EPHA4: variants seen among roughly 807,000 people sequenced by gnomAD.
EPHA4 encodes ephrin type-A receptor 4.
EPHA4 carries 19 observed loss-of-function variants against 108.3 expected under a neutral mutation model. That is an observed-to-expected ratio of 0.18 (90% CI 0.12 to 0.26). EPHA4 has a LOEUF of 0.26. EPHA4 is among the 10% of genes least tolerant of loss of function. The pLI, the probability that EPHA4 is intolerant of heterozygous loss-of-function variation, is 1.00. For synonymous variants in EPHA4, 449 were observed against 455.5 expected, an observed-to-expected ratio of 0.99 and a Z score of 0.18; for missense variants, 917 against 1,254.0, an observed-to-expected ratio of 0.73 and a Z score of 4.06.
rs1694846378 is a variant in EPHA4 at position 221,571,816 on chromosome 2, G to T, written c.91+342C>A. On this transcript the variant is annotated intron_variant, in intron 1 of 17. Transcript: ENST00000281821. This position sits in a 1 kb window ranked among gnomAD's most constrained non-coding sequence, Gnocchi z 6.3. ...GCCCCGGGCTGGCTCAGGAGAGGACGTGGTTCTTGTAATTTTTTTTTTAAA... is the reference window on the plus strand; with the variant it reads ...GCCCCGGGCTGGCTCAGGAGAGGACTTGGTTCTTGTAATTTTTTTTTTAAA... 6.6e-6 allele frequency among the ~76,000 whole-genome samples: 1 copy of T among 152,194 alleles called. No individual in the cohort carries two copies. The highest frequency in any genetic ancestry group is 1.5e-5 in the Non-Finnish European group (1 of 68,022).
In EPHA4 at chr2:221,419,032, T is replaced by C. The variant is rs1689669182; in HGVS notation, c.*2340A>G. On this transcript the variant is annotated 3_prime_UTR_variant, in exon 18 of 18. Transcript: ENST00000281821. ...ATGATTTTCTCTACTTATTCAACAA[T>C]AAATGGTTCAGAATCTATTTTTTTT... is the stretch of plus-strand genomic sequence containing the variant. The C allele has an allele frequency of 6.6e-6, 1 of 152,446 alleles. No individual in the cohort carries two copies. Among genetic ancestry groups the C allele is most frequent in the Admixed American group, 6.5e-5 (1 of 15,280 alleles). The allele number at this position is 152,446 out of a possible 1,614,324, so 9.4% of individuals were successfully genotyped here.
intron 5 of EPHA4, among the ~76,000 whole-genome samples, chr2:221,458,452 A>G (rs7603370): frequency 2.0e-5 from 3 of 152,178 alleles, no homozygotes; most frequent in Non-Finnish European, 4.4e-5. Flanking sequence ...AGTCTTCAAT[A>G]AGTACTGTAG....
chr2:221,434,381 G>A, intron 13 of EPHA4, 90 bp from the exon 14 acceptor site: 1 of 1,372,290 alleles, frequency 7.3e-7, no homozygotes, highest in Non-Finnish European at 1.0e-6. Context: ...AGCCAAGCAG[G>A]ACAACAGCAT....
At chr2:221,432,985 C>T (rs905514484) in intron 14 of EPHA4, among the ~76,000 whole-genome samples, 3 of 151,898 alleles carry the variant, frequency 2.0e-5, no homozygotes, top group South Asian at 4.2e-4. Flanking sequence ...CCACTATGCC[C>T]GGCTAATTTT....
chr2:221,545,034 G>A (rs750586783), intron 3 of EPHA4, among the ~76,000 whole-genome samples: 3 of 152,188 alleles, frequency 2.0e-5, no homozygotes, highest in Non-Finnish European at 4.4e-5. Flanking sequence ...CCAGTCTGTA[G>A]TATTGTATTT....
intron 3 of EPHA4, among the ~76,000 whole-genome samples, chr2:221,552,415 ATCAAGCTG>A (rs1161933986): frequency 4.6e-5 from 7 of 152,176 alleles, no homozygotes; most frequent in African/African-American, 1.7e-4. Flanking sequence ...TGGGCACTAG[ATCAAGCTG>A]TCAATGTTCC....
intron 3 of EPHA4, among the ~76,000 whole-genome samples, chr2:221,556,485 T>A (rs1242669605): frequency 2.0e-5 from 3 of 151,338 alleles, no homozygotes; most frequent in African/African-American, 7.3e-5. Flanking sequence ...TTTTTTTTTT[T>A]TTTTTTAGTA....
chr2:221,436,406 G>A lies in EPHA4; in HGVS notation c.2339C>T (p.Thr780Ile). ...VLEDDPEAAYTTRGGKIPIRW... is the reference protein window; with the variant it reads ...VLEDDPEAAYITRGGKIPIRW... ...GTCACCGATCTTTCTTACCCTGGTG[G>A]TGTAAGCTGCTTCCGGATCATCCTC... The change falls in exon 13 of 18, where the codon ACC (threonine) becomes ATC (isoleucine). Residue 780 changes from threonine (T) to isoleucine (I), a missense_variant. Transcript: ENST00000281821. 6.2e-7 allele frequency: 1 copy of A among 1,614,162 alleles called. No individual in the cohort carries two copies. The highest frequency in any genetic ancestry group is 8.5e-7 in the Non-Finnish European group (1 of 1,179,998).
intron 5 of EPHA4, among the ~76,000 whole-genome samples, chr2:221,473,069 C>T (rs1427934036): frequency 2.0e-5 from 3 of 152,130 alleles, no homozygotes; most frequent in Non-Finnish European, 4.4e-5. Context: ...AATGAGGAAG[C>T]CAAGGGGTTC....
chr2:221,515,791 G>C (rs1040868580), intron 3 of EPHA4, among the ~76,000 whole-genome samples: 1 of 152,144 alleles, frequency 6.6e-6, no homozygotes, highest in African/African-American at 2.4e-5. Flanking sequence ...CACTCAGCCT[G>C]GGCAACGGAG....
chr2:221,492,515 T>C (rs6436266), intron 4 of EPHA4, among the ~76,000 whole-genome samples: 106,960 of 152,046 alleles, frequency 0.7, 38,564 homozygotes, highest in East Asian at 0.87. Context: ...CTTTCTCCCT[T>C]TATCTTTAAT....
At position 221,434,169 on chromosome 2, in the gene EPHA4, C is replaced by T. The variant is rs1032459155; in HGVS notation, c.2469G>A (p.Arg823=). ...VMWEVMSYGE[R]PYWDMSNQDV... ...CTTGATTGGACATATCCCAATAGGG[C>T]CTCTCCCCGTACGACATCACTTCCC... is the stretch of plus-strand genomic sequence containing the variant. Residue 823 remains arginine (R), a synonymous_variant, in exon 14 of 18, where the codon AGG becomes AGA. Coordinates refer to ENST00000281821, the MANE Select transcript of EPHA4 (RefSeq NM_004438.5). 1.9e-6 allele frequency: 3 copies of T among 1,613,650 alleles called. No homozygotes were observed. Among genetic ancestry groups the T allele is most frequent in the African/African-American group, 2.7e-5 (2 of 74,914 alleles).
At chr2:221,524,246 G>C (rs1264331447) in intron 3 of EPHA4, among the ~76,000 whole-genome samples, 1 of 152,216 alleles carries the variant, frequency 6.6e-6, no homozygotes, top group Non-Finnish European at 1.5e-5. Flanking sequence ...CTTAGCACCA[G>C]TATCCAACCC....
chr2:221,534,829 TAACTC>T (rs899076463), intron 3 of EPHA4, among the ~76,000 whole-genome samples: 1 of 152,198 alleles, frequency 6.6e-6, no homozygotes, highest in South Asian at 2.1e-4. Flanking sequence ...AAAAGGTAAA[TAACTC>T]AACTCTTTCC....
chr2:221,516,767 G>A (rs1045184706), intron 3 of EPHA4, among the ~76,000 whole-genome samples: 1 of 152,066 alleles, frequency 6.6e-6, no homozygotes, highest in Non-Finnish European at 1.5e-5. Flanking sequence ...TTCCTTCCAG[G>A]ACTGGTGCAG....
chr2:221,511,148 T>C (rs1414804370), intron 3 of EPHA4, among the ~76,000 whole-genome samples: 1 of 152,242 alleles, frequency 6.6e-6, no homozygotes, highest in Non-Finnish European at 1.5e-5. Context: ...AGTGTAGATG[T>C]TGCTGCCAGG....
chr2:221,495,434 CAG>C (rs1692269123), intron 4 of EPHA4, among the ~76,000 whole-genome samples: 1 of 152,210 alleles, frequency 6.6e-6, no homozygotes, highest in Admixed American at 6.5e-5. Context: ...TTGTCAGAAA[CAG>C]ACTCTCAGGC....
chr2:221,566,448 C>T (rs1346117573), intron 2 of EPHA4, among the ~76,000 whole-genome samples: 1 of 152,080 alleles, frequency 6.6e-6, no homozygotes, highest in Non-Finnish European at 1.5e-5. Context: ...CATTCCTTTG[C>T]TCTAATCCTG....
Position 221,556,604 on chromosome 2 carries a change from A to G in EPHA4, c.823+7127T>C, listed in dbSNP as rs184013456. Among the ~76,000 whole-genome samples, 29 of 147,378 alleles carry G rather than the reference A, an allele frequency of 2.0e-4. No homozygotes were observed. The East Asian group carries it at 5.1e-3, about 26-fold the overall frequency. The stretch of plus-strand genomic sequence containing the variant: ...GCGTGAGCCACTGCGCCCAGTCACT[A>G]CTTTTTTTTTTCATATTCTTGAATG... On this transcript the variant is annotated intron_variant, in intron 3 of 17. Coordinates refer to ENST00000281821, the MANE Select transcript of EPHA4 (RefSeq NM_004438.5).
Sources: allele counts gnomAD v4.1 joint callset (sites outside exome capture counted in the v4.1 genomes callset), GRCh38; gene constraint gnomAD v4.1.1; non-coding constraint Gnocchi (gnomAD v3.1); transcripts MANE v1.5; gene names NCBI Gene and HGNC (gene_info 2026-07-23, HGNC 2026-07-21).